Variants in PLXNA2 observed in about 807,000 individuals in gnomAD.
PLXNA2 encodes the protein plexin A2.
Under a neutral mutation model 193.5 loss-of-function variants are expected in PLXNA2, and 91 were observed. The ratio of observed to expected loss-of-function variants is 0.47; its 90% confidence interval spans 0.40 to 0.56. The LOEUF is 0.56. PLXNA2 is among the 20% of genes least tolerant of loss of function. The pLI, the probability that PLXNA2 is intolerant of heterozygous loss-of-function variation, is 0.00. For synonymous variants in PLXNA2, 997 were observed against 1,027.3 expected, an observed-to-expected ratio of 0.97 and a Z score of 0.56; for missense variants, 1,995 against 2,503.2, an observed-to-expected ratio of 0.80 and a Z score of 4.33.
At chr1:208,058,716 C>T (rs1665520966) in intron 13 of PLXNA2, among the ~76,000 whole-genome samples, 1 of 152,176 alleles carries the variant, frequency 6.6e-6, no homozygotes, top group South Asian at 2.1e-4. Flanking sequence ...GATTGTTCCC[C>T]TCCCCAGGCT....
intron 1 of PLXNA2, among the ~76,000 whole-genome samples, chr1:208,239,694 C>G (rs1321834786): frequency 1.3e-5 from 2 of 152,232 alleles, no homozygotes; most frequent in Non-Finnish European, 2.9e-5. Context: ...AGAGCTCCTG[C>G]TCCGAATCCT....
At position 208,047,159 on chromosome 1, in the gene PLXNA2, C is replaced by T. The variant is rs1051523997; in HGVS notation, c.3256-1042G>A. Among the ~76,000 whole-genome samples, 22 of 152,096 alleles carry T rather than the reference C, an allele frequency of 1.4e-4. 1 individual carries two copies. The highest frequency in any genetic ancestry group is 1.4e-3 in the Admixed American group (21 of 15,278). On this transcript the variant is annotated intron_variant, in intron 17 of 31. Transcript: ENST00000367033. ...TATTTTTAGTAGAGACAGGGTTTCA[C>T]CATGTTTGCCAGGCTGGTCCTGAAC... is the stretch of plus-strand genomic sequence containing the variant.
At chr1:208,235,838 A>T (rs1671834923) in intron 1 of PLXNA2, among the ~76,000 whole-genome samples, 1 of 152,176 alleles carries the variant, frequency 6.6e-6, no homozygotes, top group East Asian at 1.9e-4. Context: ...AAGCTGAAGA[A>T]CTTGAAGAAC....
intron 3 of PLXNA2, among the ~76,000 whole-genome samples, chr1:208,154,601 C>T (rs1668880442): frequency 6.6e-6 from 1 of 152,248 alleles, no homozygotes; most frequent in Non-Finnish European, 1.5e-5. Context: ...ATTCTCCCCT[C>T]TCCAAGTCAG....
At chr1:208,147,258 A>G (rs1367580091) in intron 3 of PLXNA2, among the ~76,000 whole-genome samples, 3 of 152,110 alleles carry the variant, frequency 2.0e-5, no homozygotes, top group African/African-American at 4.8e-5. Flanking sequence ...CTTGAGCTCC[A>G]GTGATCCTCC....
At chr1:208,134,078 T>C (rs982079573) in intron 4 of PLXNA2, among the ~76,000 whole-genome samples, 1 of 152,206 alleles carries the variant, frequency 6.6e-6, no homozygotes, top group African/African-American at 2.4e-5. Flanking sequence ...TTGGCACCAC[T>C]TCTCCCAGCC....
chr1:208,030,315 C>G (rs1318411756), intron 29 of PLXNA2: 1 of 985,416 alleles, frequency 1.0e-6, no homozygotes, highest in Non-Finnish European at 1.2e-6. Context: ...TAGTCCATTT[C>G]TATTACTTGG....
Position 208,098,848 on chromosome 1 carries a change from A to G in PLXNA2, c.1729T>C (p.Leu577=). ...SSISVSEHSR[L]LSLVVSDAPD... is the part of the protein sequence containing the mutation. The stretch of plus-strand genomic sequence containing the variant: ...ATGCCCCTGGATGAGTTACTTACCA[A>G]CCGGCTGTGCTCAGATACTGAGATG... The change falls in exon 6 of 32, where the codon TTG becomes CTG. Residue 577 remains leucine (L), a splice_region_variant and synonymous_variant. Coordinates refer to ENST00000367033, the MANE Select transcript of PLXNA2 (RefSeq NM_025179.4). The G allele has an allele frequency of 6.2e-7, 1 of 1,613,496 alleles. No homozygotes were observed. The highest frequency in any genetic ancestry group is 8.5e-7 in the Non-Finnish European group (1 of 1,179,826).
intron 1 of PLXNA2, among the ~76,000 whole-genome samples, chr1:208,242,187 G>T (rs1242333343): frequency 1.3e-5 from 2 of 152,184 alleles, no homozygotes; most frequent in African/African-American, 4.8e-5. Flanking sequence ...CTGTCAATCA[G>T]TAGAAGGCCC....
intron 9 of PLXNA2, among the ~76,000 whole-genome samples, chr1:208,086,584 T>C (rs764358533): frequency 7.2e-5 from 11 of 151,946 alleles, no homozygotes; most frequent in Non-Finnish European, 1.5e-4. Flanking sequence ...ACCAGTGTCA[T>C]CCCTTGTCAG....
chr1:208,102,735 C>G (rs1173014405), intron 5 of PLXNA2, among the ~76,000 whole-genome samples: 1 of 152,244 alleles, frequency 6.6e-6, no homozygotes, highest in South Asian at 2.1e-4. Flanking sequence ...CACACAGCAG[C>G]TAGCTGGAGT....
chr1:208,063,843 G>A (rs933616718), intron 12 of PLXNA2, among the ~76,000 whole-genome samples: 2 of 152,106 alleles, frequency 1.3e-5, no homozygotes, highest in Non-Finnish European at 2.9e-5. Context: ...GATTCCCAAC[G>A]CCTCCATTAC....
At chr1:208,060,527 A>G (rs1442759818) in intron 13 of PLXNA2, among the ~76,000 whole-genome samples, 159 bp downstream of exon 13, 1 of 151,872 alleles carries the variant, frequency 6.6e-6, no homozygotes, top group Non-Finnish European at 1.5e-5. Flanking sequence ...GGTGGAGGTG[A>G]GGGAGGAGGG....
intron 3 of PLXNA2, among the ~76,000 whole-genome samples, chr1:208,163,609 T>C (rs1030875196): frequency 7.9e-5 from 12 of 152,166 alleles, no homozygotes; most frequent in Non-Finnish European, 1.8e-4. Context: ...TGACAAAGCA[T>C]TTACAATTCA....
At chr1:208,185,719 G>GAAAAAAAAAAAAAAAAAAAGAAAA (rs3991419) in intron 3 of PLXNA2, among the ~76,000 whole-genome samples, 1 of 105,536 alleles carries the variant, frequency 9.5e-6, no homozygotes, top group Non-Finnish European at 1.9e-5. Flanking sequence ...AAAAAAAAAA[G>GAAAAAAAAAAAAAAAAAAAGAAAA]GAAAAAAAAA....
intron 26 of PLXNA2, 28 bp from the exon 27 acceptor site, chr1:208,034,620 A>T: frequency 7.0e-7 from 1 of 1,434,162 alleles, no homozygotes; most frequent in Non-Finnish European, 9.8e-7. Context: ...GGTACAGTAC[A>T]AAAGGTGAAT....
intron 3 of PLXNA2, among the ~76,000 whole-genome samples, chr1:208,148,854 A>C (rs1486291623): frequency 6.6e-6 from 1 of 152,226 alleles, no homozygotes; most frequent in Non-Finnish European, 1.5e-5. Flanking sequence ...CTAAGCCAAA[A>C]TGCAGGAGTG....
intron 4 of PLXNA2, among the ~76,000 whole-genome samples, chr1:208,124,863 T>A (rs572529744): frequency 1.3e-5 from 2 of 152,040 alleles, no homozygotes; most frequent in African/African-American, 4.8e-5. Context: ...GCCAAGCTGG[T>A]GTCACAGCGT....
chr1:208,068,968 G>T (rs1232892309), intron 12 of PLXNA2, among the ~76,000 whole-genome samples: 1 of 152,192 alleles, frequency 6.6e-6, no homozygotes, highest in Non-Finnish European at 1.5e-5. Flanking sequence ...TATATCGTTT[G>T]CAGGATTCAG....
Sources: allele counts gnomAD v4.1 joint callset (sites outside exome capture counted in the v4.1 genomes callset), GRCh38; gene constraint gnomAD v4.1.1; transcripts MANE v1.5; gene names NCBI Gene and HGNC (gene_info 2026-07-23, HGNC 2026-07-21).